Variants in CDYL2 observed in about 807,000 individuals in gnomAD.
CDYL2 encodes chromodomain Y like 2, also known as chromodomain Y-like protein 2.
Under a neutral mutation model 49.4 loss-of-function variants are expected in CDYL2, and 23 were observed. The observed-to-expected ratio is 0.47, with a 90% CI of 0.34 to 0.66. CDYL2 has a LOEUF of 0.66. Ranked by LOEUF, CDYL2 falls within the 30% of genes least tolerant of loss-of-function variation. The pLI is 0.01. For synonymous variants in CDYL2, 360 were observed against 268.8 expected, an observed-to-expected ratio of 1.34 and a Z score of -3.32; for missense variants, 678 against 656.4, an observed-to-expected ratio of 1.03 and a Z score of -0.36.
intron 3 of CDYL2, among the ~76,000 whole-genome samples, chr16:80,631,654 A>G (rs2142390168): frequency 6.6e-6 from 1 of 152,356 alleles, no homozygotes; most frequent in Middle Eastern, 3.4e-3. Flanking sequence ...CAAGTATCTG[A>G]TAAGGCCTTA....
intron 2 of CDYL2, among the ~76,000 whole-genome samples, chr16:80,638,915 G>A (rs900325418): frequency 3.2e-4 from 49 of 151,468 alleles, no homozygotes; most frequent in Admixed American, 3.2e-3. Flanking sequence ...AGGGAACTTG[G>A]GTTTGCAATG....
chr16:80,735,906 C>G (rs1174435853), intron 1 of CDYL2, among the ~76,000 whole-genome samples: 1 of 152,202 alleles, frequency 6.6e-6, no homozygotes, highest in East Asian at 1.9e-4. Context: ...CTAGAGAGAG[C>G]AGGGCAAGGC....
chr16:80,635,138 G>A (rs1392966717), intron 2 of CDYL2, among the ~76,000 whole-genome samples: 3 of 152,172 alleles, frequency 2.0e-5, no homozygotes, highest in African/African-American at 7.2e-5. Flanking sequence ...GGTATAAGAA[G>A]CTGGTTCAAT....
chr16:80,655,943 T>C (rs1490149300), intron 2 of CDYL2, among the ~76,000 whole-genome samples: 1 of 152,130 alleles, frequency 6.6e-6, no homozygotes, highest in East Asian at 1.9e-4. Context: ...ACAGAACATG[T>C]TGGAACTGTG....
intron 1 of CDYL2, among the ~76,000 whole-genome samples, chr16:80,736,752 T>C (rs1905547017): frequency 6.6e-6 from 1 of 152,194 alleles, no homozygotes. Context: ...CTCTATTTTT[T>C]TAATCATCAA....
intron 1 of CDYL2, among the ~76,000 whole-genome samples, chr16:80,776,948 G>C (rs534233638): frequency 6.6e-6 from 1 of 151,688 alleles, no homozygotes; most frequent in African/African-American, 2.4e-5. Flanking sequence ...CTCCCGAATA[G>C]CTGGGACTAC....
At chr16:80,761,522 C>G (rs1475943323) in intron 1 of CDYL2, among the ~76,000 whole-genome samples, 1 of 152,086 alleles carries the variant, frequency 6.6e-6, no homozygotes, top group Non-Finnish European at 1.5e-5. Context: ...TGCCACAGCT[C>G]TCAAAATGAG....
chr16:80,743,088 G>A (rs1354021758), intron 1 of CDYL2, among the ~76,000 whole-genome samples: 1 of 152,092 alleles, frequency 6.6e-6, no homozygotes, highest in Non-Finnish European at 1.5e-5. Context: ...ACTCATTGAT[G>A]GTCTAAATCA....
At chr16:80,675,692 G>A (rs1476006156) in intron 2 of CDYL2, among the ~76,000 whole-genome samples, 9 of 151,610 alleles carry the variant, frequency 5.9e-5, no homozygotes, top group African/African-American at 1.5e-4. Flanking sequence ...ATTAGGAGGT[G>A]AAGTTTTATT....
At chr16:80,614,649 A>C (rs1906746045) in intron 4 of CDYL2, among the ~76,000 whole-genome samples, 1 of 152,146 alleles carries the variant, frequency 6.6e-6, no homozygotes, top group Non-Finnish European at 1.5e-5. Flanking sequence ...ATGGATCACA[A>C]GGTCAGGAGT....
chr16:80,674,747 T>C (rs2142457226), intron 2 of CDYL2, among the ~76,000 whole-genome samples: 1 of 152,382 alleles, frequency 6.6e-6, no homozygotes, highest in East Asian at 1.9e-4. Flanking sequence ...TTGCCGCATA[T>C]GTCCACTATT....
chr16:80,799,583 A>G (rs1489497730), intron 1 of CDYL2, among the ~76,000 whole-genome samples: 2 of 152,324 alleles, frequency 1.3e-5, no homozygotes, highest in African/African-American at 4.8e-5. Flanking sequence ...CATGCCTCCA[A>G]TACAAAGATC....
intron 2 of CDYL2, among the ~76,000 whole-genome samples, chr16:80,675,617 C>T (rs1909713352): frequency 6.6e-6 from 1 of 151,966 alleles, no homozygotes; most frequent in East Asian, 1.9e-4. Flanking sequence ...TTTTCACCGA[C>T]ATTAGGAGGT....
chr16:80,660,062 A>T (rs533497832), intron 2 of CDYL2, among the ~76,000 whole-genome samples: 69 of 152,224 alleles, frequency 4.5e-4, no homozygotes, highest in African/African-American at 1.5e-3. Context: ...GCTGAGACAA[A>T]ATAACTGTCA....
chr16:80,770,475 A>G (rs2142393698), intron 1 of CDYL2, among the ~76,000 whole-genome samples: 1 of 152,320 alleles, frequency 6.6e-6, no homozygotes, highest in South Asian at 2.1e-4. Flanking sequence ...GTAGAAAAAC[A>G]AAAGAAAAAA....
chr16:80,714,996 A>G, intron 1 of CDYL2, among the ~76,000 whole-genome samples: 1 of 152,136 alleles, frequency 6.6e-6, no homozygotes, highest in East Asian at 1.9e-4. Flanking sequence ...AGGATCAGAG[A>G]CAGAATCCCC....
At chr16:80,742,008 C>T (rs1477967486) in intron 1 of CDYL2, 2 of 152,232 alleles carry the variant, frequency 1.3e-5, no homozygotes, top group Non-Finnish European at 2.9e-5. Context: ...TGTGCACTTA[C>T]TAGGCACAGT....
intron 2 of CDYL2, among the ~76,000 whole-genome samples, chr16:80,670,711 C>T (rs1281083278): frequency 6.6e-6 from 1 of 152,012 alleles, no homozygotes; most frequent in Non-Finnish European, 1.5e-5. Flanking sequence ...CTCATTTTGC[C>T]CCAGGGTCTC....
intron 4 of CDYL2, among the ~76,000 whole-genome samples, chr16:80,616,892 G>A (rs1217168357): frequency 1.3e-5 from 2 of 152,178 alleles, no homozygotes; most frequent in Admixed American, 1.3e-4. Flanking sequence ...CCCATTTTCT[G>A]GATGAGCTAA....
Sources: gnomAD v4.1 joint callset for allele counts (sites outside exome capture counted in the v4.1 genomes callset) on GRCh38, gnomAD v4.1.1 for gene constraint, MANE v1.5 for transcripts, NCBI Gene and HGNC (gene_info 2026-07-23, HGNC 2026-07-21) for gene names.